The following FARP2 variants were observed in gnomAD, a reference collection of about 807,000 sequenced individuals.
FARP2 encodes FERM, ARHGEF and pleckstrin domain-containing protein 2.
FARP2 carries 111 observed loss-of-function variants against 130.5 expected under a neutral mutation model. The observed-to-expected ratio is 0.85, with a 90% CI of 0.73 to 1.00. FARP2 has a LOEUF of 1.00. Among genes scored for constraint, FARP2 ranks in the 50% least tolerant of loss-of-function variants. FARP2 has a pLI of 0.00. For synonymous variants in FARP2, 504 were observed against 516.9 expected (o/e 0.98, Z 0.34); for missense variants, 1,385 against 1,346.3 (o/e 1.03, Z -0.45).
At chr2:241,448,192 C>G (rs938326280) in intron 13 of FARP2, among the ~76,000 whole-genome samples, 19 of 152,196 alleles carry the variant, frequency 1.2e-4, no homozygotes, top group Admixed American at 9.8e-4. Context: ...ACTTACCCCC[C>G]CTACATCATG....
At chr2:241,461,182 A>C (rs13388333) in intron 14 of FARP2, among the ~76,000 whole-genome samples, 3 of 151,918 alleles carry the variant, frequency 2.0e-5, no homozygotes, top group Admixed American at 1.3e-4. Context: ...GGCTTAGGCC[A>C]AAAACTGCGG....
At chr2:241,378,890 C>G (rs1575474839) in intron 2 of FARP2, among the ~76,000 whole-genome samples, 1 of 152,226 alleles carries the variant, frequency 6.6e-6, no homozygotes, top group South Asian at 2.1e-4. Flanking sequence ...CTAGGAAAGT[C>G]TTGATTTGTT....
intron 6 of FARP2, among the ~76,000 whole-genome samples, chr2:241,411,776 A>G (rs1297019871): frequency 6.6e-6 from 1 of 152,246 alleles, no homozygotes; most frequent in Non-Finnish European, 1.5e-5. Context: ...GAAATATGAC[A>G]TAGAAAGTTC....
chr2:241,419,669 C>T (rs2062758684), intron 8 of FARP2, among the ~76,000 whole-genome samples: 2 of 152,218 alleles, frequency 1.3e-5, no homozygotes, highest in South Asian at 2.1e-4. Flanking sequence ...TGGAATCTCA[C>T]AGCCTTCAGC....
chr2:241,387,218 G>A (rs867119930), intron 2 of FARP2: 5 of 152,110 alleles, frequency 3.3e-5, no homozygotes, highest in Non-Finnish European at 5.9e-5. Flanking sequence ...AGACGTACCC[G>A]ATACTAGAGG....
intron 2 of FARP2, among the ~76,000 whole-genome samples, chr2:241,377,138 T>G (rs2061555925): frequency 6.6e-6 from 1 of 152,184 alleles, no homozygotes; most frequent in African/African-American, 2.4e-5. Context: ...TCATTTCACT[T>G]AAGTCTTAAA....
At chr2:241,467,550 G>A (rs2150485212) in intron 17 of FARP2, among the ~76,000 whole-genome samples, 1 of 151,836 alleles carries the variant, frequency 6.6e-6, no homozygotes, top group East Asian at 1.9e-4. Context: ...GCTAAGGTGG[G>A]AGGATCACTT....
chr2:241,444,660 G>A (rs556263295), intron 13 of FARP2: 5 of 152,238 alleles, frequency 3.3e-5, no homozygotes, highest in African/African-American at 1.2e-4. Flanking sequence ...CTCATCACTC[G>A]CTCATGTGCG....
intron 8 of FARP2, among the ~76,000 whole-genome samples, chr2:241,429,264 C>CACTGAAGGTCCTT (rs1446184713): frequency 6.6e-6 from 1 of 151,198 alleles, no homozygotes; most frequent in Non-Finnish European, 1.5e-5. Flanking sequence ...GTGTTGTTTA[C>CACTGAAGGTCCTT]TACAGAAGGT....
chr2:241,380,047 TCA>T (rs1184007912), intron 2 of FARP2, among the ~76,000 whole-genome samples: 2 of 152,122 alleles, frequency 1.3e-5, no homozygotes, highest in Middle Eastern at 3.2e-3. Flanking sequence ...GGTTGGTAAG[TCA>T]CAGTCTGTGT....
At chr2:241,426,650 G>A (rs1174460913) in intron 8 of FARP2, among the ~76,000 whole-genome samples, 1 of 152,212 alleles carries the variant, frequency 6.6e-6, no homozygotes, top group Non-Finnish European at 1.5e-5. Flanking sequence ...GACTTGATGT[G>A]GAGTGGGTGA....
At chr2:241,420,168 T>C (rs554044907) in intron 8 of FARP2, among the ~76,000 whole-genome samples, 1 of 152,208 alleles carries the variant, frequency 6.6e-6, no homozygotes, top group East Asian at 1.9e-4. Context: ...AGTACATAAA[T>C]AAAAGCCAGC....
chr2:241,473,874 G>A (rs573711333), intron 18 of FARP2, among the ~76,000 whole-genome samples: 1 of 152,306 alleles, frequency 6.6e-6, no homozygotes, highest in South Asian at 2.1e-4. Flanking sequence ...CATTTTCAGT[G>A]TCATGCAGGT....
chr2:241,402,851 T>TATATATATATACAC (rs1481550657), intron 2 of FARP2, among the ~76,000 whole-genome samples: 1 of 9,674 alleles, frequency 1.0e-4, no homozygotes, highest in East Asian at 2.5e-3. Context: ...TATATATATA[T>TATATATATATACAC]ATATATATAT....
chr2:241,417,610 A>G, intron 7 of FARP2, among the ~76,000 whole-genome samples: 1 of 149,970 alleles, frequency 6.7e-6, no homozygotes, highest in East Asian at 2.0e-4. Context: ...GGCGTCAGCC[A>G]CTGTGCCCGG....
rs1001904403 is a variant in FARP2 at position 241,418,064 on chromosome 2, C to A, written c.726C>A (p.Thr242=). The part of the protein sequence containing the change: ...RFHMASDREG[T]KIQLAVSHMG... The stretch of plus-strand genomic sequence containing the variant: ...ACATGGCTTCTGACAGGGAAGGAAC[C>A]AAGATTCAACTGGCAGTTTCCCACA... The change falls in exon 8 of 27, where the codon ACC becomes ACA. Residue 242 remains threonine (T), a synonymous_variant. Transcript: ENST00000264042. The A allele has an allele frequency of 2.5e-6, 4 of 1,614,152 alleles. No homozygotes were observed. The highest frequency in any genetic ancestry group is 1.1e-5 in the South Asian group (1 of 91,082).
intron 1 of FARP2, among the ~76,000 whole-genome samples, chr2:241,367,732 A>G (rs2061346449): frequency 1.3e-5 from 2 of 152,090 alleles, no homozygotes; most frequent in African/African-American, 2.4e-5. Context: ...GTTAGCCTCT[A>G]CCCGTTACTG....
chr2:241,457,278 G>T (rs886813), intron 14 of FARP2, among the ~76,000 whole-genome samples: 62,229 of 148,906 alleles, frequency 0.42, 13,191 homozygotes, highest in East Asian at 0.62. Flanking sequence ...TCTCCCTCCC[G>T]TCCTCCCTCC....
rs528563989 is a variant in FARP2, at chr2:241,493,930, C to G, written c.3048-78C>G. The G allele has an allele frequency of 1.9e-5, 17 of 916,424 alleles. No individual in the cohort carries two copies. The South Asian group carries it at 4.3e-4, about 23-fold the overall frequency. The allele number at this position is 916,424 out of a possible 1,614,324, so 56.8% of individuals were successfully genotyped here. ...TTAACCCTTCTTTTGTCCTGCTTGT[C>G]CCATATCCTGGGTTGTTCTTGGGAC... On this transcript the variant is annotated intron_variant, in intron 26 of 26. Coordinates refer to ENST00000264042, the MANE Select transcript of FARP2 (RefSeq NM_014808.4).
Sources: allele counts gnomAD v4.1 joint callset (sites outside exome capture counted in the v4.1 genomes callset), GRCh38; gene constraint gnomAD v4.1.1; transcripts MANE v1.5; gene names NCBI Gene and HGNC (gene_info 2026-07-23, HGNC 2026-07-21).